MRPL16: variants seen among roughly 807,000 people sequenced by gnomAD.
MRPL16 encodes mitochondrial ribosomal protein L16, also known as large ribosomal subunit protein uL16m.
A neutral mutation model predicts 22.7 loss-of-function variants in MRPL16; 17 were observed. The observed-to-expected ratio is 0.75, with a 90% CI of 0.51 to 1.12. MRPL16 has a LOEUF of 1.12. Ranked by LOEUF, MRPL16 falls within the 50% of genes most tolerant of loss-of-function variation. The pLI is 0.00. For synonymous variants in MRPL16, 103 were observed against 112.8 expected, an observed-to-expected ratio of 0.91 and a Z score of 0.55; for missense variants, 316 against 328.7, an observed-to-expected ratio of 0.96 and a Z score of 0.30.
rs753428991 is a variant in MRPL16, at chr11:59,806,833, C to G, written c.271-1G>C. The G allele has an allele frequency of 1.9e-6, 3 of 1,602,630 alleles. No individual in the cohort carries two copies. The highest frequency in any genetic ancestry group is 2.6e-6 in the Non-Finnish European group (3 of 1,170,622). ...AATGCAGGTAGCCACCACCCAATGC[C>G]TAAAAGTGAATGGGAGAATTAGAAA... On this transcript the variant is annotated splice_acceptor_variant, in intron 3 of 3. Transcript: ENST00000300151. LOFTEE classifies it high-confidence loss of function.
rs753761063 is a variant in MRPL16, at chr11:59,810,631, C to T, written c.28G>A (p.Ala10Thr). The T allele has an allele frequency of 1.2e-6, 2 of 1,614,036 alleles. No homozygotes were observed. The highest frequency in any genetic ancestry group is 4.5e-5 in the East Asian group (2 of 44,888). MWRLLARAS[A>T]PLLRVPLSDS... is the part of the protein sequence containing the mutation. Reference sequence around the variant, plus strand: ...GACAAGGGCACCCGCAGGAGCGGCGCACTAGCGCGAGCCAGCAGCCTCCAC... The same window carrying T: ...GACAAGGGCACCCGCAGGAGCGGCGTACTAGCGCGAGCCAGCAGCCTCCAC... The change falls in exon 1 of 4, where the codon GCG becomes ACG. Residue 10 changes from alanine to threonine, a missense_variant. Physicochemically the swap from Ala to Thr is moderately conservative, Grantham distance 58 (BLOSUM62 0). Coordinates refer to ENST00000300151, the MANE Select transcript of MRPL16 (RefSeq NM_017840.4).
At position 59,806,288 on chromosome 11, in the gene MRPL16, G is replaced by A; in HGVS notation, c.*59C>T. 6.4e-7 allele frequency: 1 copy of A among 1,562,640 alleles called. No individual in the cohort carries two copies. Among genetic ancestry groups the A allele is most frequent in the Non-Finnish European group, 8.7e-7 (1 of 1,149,156 alleles). On this transcript the variant is annotated 3_prime_UTR_variant, in exon 4 of 4. Coordinates refer to ENST00000300151, the MANE Select transcript of MRPL16 (RefSeq NM_017840.4). ...AAAGACTTCAGTGGGTAGGCTGAGG[G>A]GAATAGAAATGCAGAATCCTTCTTT...
At chr11:59,808,351 GCTCT>G (rs1418500958) in intron 2 of MRPL16, among the ~76,000 whole-genome samples, 2 of 152,064 alleles carry the variant, frequency 1.3e-5, no homozygotes, top group Non-Finnish European at 2.9e-5. Flanking sequence ...TTCTTTCAGG[GCTCT>G]CTTTTTAAAA....
intron 2 of MRPL16, 121 bp from the exon 3 acceptor site, chr11:59,807,970 GACAGGGTCTC>G: frequency 8.3e-7 from 1 of 1,202,140 alleles, no homozygotes. Flanking sequence ...TTTTGGTAGA[GACAGGGTCTC>G]ACTATGTTGC....
At position 59,807,706 on chromosome 11, in the gene MRPL16, T is replaced by C. The variant is rs1380350132; in HGVS notation, c.265A>G (p.Ile89Val). The change falls in exon 3 of 4, where the codon ATC (isoleucine) becomes GTC (valine). Residue 89 changes from isoleucine (I) to valine (V), a missense_variant. Physicochemically the swap from Ile to Val is conservative, Grantham distance 29. Transcript: ENST00000300151. ...ATEFTEGNFA[I>V]LALGGGYLHW... ...TCGATGCTGAATTCACTCACCAAGA[T>C]TGCAAAATTGCCTTCTGTAAACTCC... is the stretch of plus-strand genomic sequence containing the variant. 1 of 1,609,738 alleles carries C rather than the reference T, an allele frequency of 6.2e-7. No homozygotes were observed. The highest frequency in any genetic ancestry group is 1.1e-5 in the South Asian group (1 of 89,648).
intron 3 of MRPL16, 167 bp downstream of exon 3, chr11:59,807,534 A>G (rs949673010): frequency 6.6e-6 from 4 of 602,098 alleles, no homozygotes; most frequent in African/African-American, 5.7e-5. Context: ...ATATAACCCA[A>G]ATGTTTACTG....
At chr11:59,810,462 G>A (rs1332215914) in intron 1 of MRPL16, 142 bp downstream of exon 1, 2 of 1,491,382 alleles carry the variant, frequency 1.3e-6, no homozygotes, top group Non-Finnish European at 9.0e-7. Context: ...CTACGGTGGA[G>A]GTCGGCGGTG....
chr11:59,806,191 A>T lies in MRPL16; in HGVS notation c.*156T>A, dbSNP rs1866082757. The T allele has an allele frequency of 2.5e-6, 2 of 808,682 alleles. No individual in the cohort carries two copies. The highest frequency in any genetic ancestry group is 3.8e-6 in the Non-Finnish European group (2 of 521,608). 50.1% of individuals were successfully genotyped at this position (808,682 alleles called of 1,614,324 possible). On this transcript the variant is annotated 3_prime_UTR_variant, in exon 4 of 4. Coordinates refer to ENST00000300151, the MANE Select transcript of MRPL16 (RefSeq NM_017840.4). ...TAATAAAAATACAGTTTTCTTTTTA[A>T]ATCAACAAATAACATTGTTTTTCAG...
chr11:59,806,375 C>T lies in MRPL16; in HGVS notation c.728G>A (p.Gly243Asp). The stretch of plus-strand genomic sequence containing the variant: ...CACACGTTTGGGCATGTAGAACTTG[C>T]CCCAGTATTTCCCCTTGTGGGTCAA... Reference protein sequence around the residue: ...YDLTHKGKYWGKFYMPKRV With the variant: ...YDLTHKGKYWDKFYMPKRV The change falls in exon 4 of 4, where the codon GGC becomes GAC. Residue 243 changes from glycine to aspartate, a missense_variant. By Grantham distance (94) the Gly-to-Asp change is moderately conservative. Coordinates refer to ENST00000300151, the MANE Select transcript of MRPL16 (RefSeq NM_017840.4). 5.0e-6 allele frequency: 8 copies of T among 1,614,162 alleles called. No individual in the cohort carries two copies. Among genetic ancestry groups the T allele is most frequent in the Non-Finnish European group, 5.9e-6 (7 of 1,180,010 alleles).
intron 1 of MRPL16, 125 bp downstream of exon 1, chr11:59,810,479 C>T (rs371756199): frequency 1.3e-6 from 2 of 1,517,778 alleles, no homozygotes; most frequent in Admixed American, 1.9e-5. Context: ...GGTGCGATAG[C>T]GTAGTTCCTA....
chr11:59,806,498 T>C lies in MRPL16; in HGVS notation c.605A>G (p.Gln202Arg), dbSNP rs1866093240. ...RGTLEKMRKD[Q>R]EERERNNQNP... is the part of the protein sequence containing the mutation. ...CTGGTTGTTACGTTCTCTTTCCTCTTGATCTTTTCGCATCTTCTCTAGAGT... is the reference window on the plus strand; with the variant it reads ...CTGGTTGTTACGTTCTCTTTCCTCTCGATCTTTTCGCATCTTCTCTAGAGT... The change falls in exon 4 of 4, where the codon CAA becomes CGA. Residue 202 changes from glutamine (Q) to arginine (R), a missense_variant. Coordinates refer to ENST00000300151, the MANE Select transcript of MRPL16 (RefSeq NM_017840.4). 4 of 1,614,254 alleles carry C rather than the reference T, an allele frequency of 2.5e-6. No individual in the cohort carries two copies. Among genetic ancestry groups the C allele is most frequent in the Non-Finnish European group, 3.4e-6 (4 of 1,180,042 alleles).
Position 59,806,824 on chromosome 11 carries a change from A to C in MRPL16, c.279T>G (p.Gly93=). The stretch of plus-strand genomic sequence containing the variant: ...AGTGGCCCCAATGCAGGTAGCCACC[A>C]CCCAATGCCTAAAAGTGAATGGGAG... The part of the protein sequence containing the change: ...TEGNFAILAL[G]GGYLHWGHFE... The change falls in exon 4 of 4, where the codon GGT becomes GGG. Residue 93 remains glycine, a synonymous_variant. Coordinates refer to ENST00000300151, the MANE Select transcript of MRPL16 (RefSeq NM_017840.4). The C allele has an allele frequency of 6.2e-7, 1 of 1,606,332 alleles. No individual in the cohort carries two copies. The highest frequency in any genetic ancestry group is 8.5e-7 in the Non-Finnish European group (1 of 1,173,440).
chr11:59,809,517 T>C (rs777727190), intron 2 of MRPL16: 4 of 272,812 alleles, frequency 1.5e-5, no homozygotes, highest in Non-Finnish European at 2.1e-5. Flanking sequence ...AGTGCTGTGA[T>C]TACAGGCGTG....
rs1590847974 is a variant in MRPL16, at chr11:59,809,727, C to G, written c.121+128G>C. The G allele has an allele frequency of 7.8e-6, 7 of 891,804 alleles. No homozygotes were observed. In the East Asian group the frequency reaches 1.9e-4, roughly 24 times the overall value. 55.2% of individuals were successfully genotyped at this position (891,804 alleles called of 1,614,324 possible). A position where few individuals can be genotyped will look rare whatever the true frequency, so the allele number is the denominator to read the frequency against. On this transcript the variant is annotated intron_variant, in intron 2 of 3. Coordinates refer to ENST00000300151, the MANE Select transcript of MRPL16 (RefSeq NM_017840.4). ...ATATTAGTTGGCAAAACTGTAAGCT[C>G]TAAAAACATATTTATTGAAAGAGTG...
intron 2 of MRPL16, among the ~76,000 whole-genome samples, chr11:59,808,557 T>G (rs1866137046): frequency 6.6e-6 from 1 of 152,210 alleles, no homozygotes; most frequent in Non-Finnish European, 1.5e-5. Flanking sequence ...AAAAACACTT[T>G]ATAATCTGGT....
Position 59,806,822 on chromosome 11 carries a change from C to A in MRPL16, c.281G>T (p.Gly94Val), listed in dbSNP as rs1348713841. 6.2e-7 allele frequency: 1 copy of A among 1,606,678 alleles called. No homozygotes were observed. The highest frequency in any genetic ancestry group is 1.1e-5 in the South Asian group (1 of 90,944). Residue 94 changes from glycine (G) to valine (V), a missense_variant, in exon 4 of 4, where the codon GGT becomes GTT. Transcript: ENST00000300151. ...AAAGTGGCCCCAATGCAGGTAGCCACCACCCAATGCCTAAAAGTGAATGGG... is the reference window on the plus strand; with the variant it reads ...AAAGTGGCCCCAATGCAGGTAGCCAACACCCAATGCCTAAAAGTGAATGGG... ...EGNFAILALGGGYLHWGHFEM... is the reference protein window; with the variant it reads ...EGNFAILALGVGYLHWGHFEM...
At chr11:59,810,257 C>T in intron 1 of MRPL16, 1 of 1,197,684 alleles carries the variant, frequency 8.3e-7, no homozygotes. Flanking sequence ...GATTCGCCCG[C>T]CTCGGCCTCC....
At position 59,806,482 on chromosome 11, in the gene MRPL16, A is replaced by C. The variant is rs1441557990; in HGVS notation, c.621T>G (p.Arg207=). Residue 207 remains arginine (R), a synonymous_variant, in exon 4 of 4, where the codon CGT becomes CGG. Coordinates refer to ENST00000300151, the MANE Select transcript of MRPL16 (RefSeq NM_017840.4). ...KMRKDQEERE[R]NNQNPWTFER... is the part of the protein sequence containing the mutation. ...CAAATGTCCAGGGGTTCTGGTTGTT[A>C]CGTTCTCTTTCCTCTTGATCTTTTC... The C allele has an allele frequency of 6.2e-7, 1 of 1,614,096 alleles. No individual in the cohort carries two copies. The highest frequency in any genetic ancestry group is 8.5e-7 in the Non-Finnish European group (1 of 1,180,052).
chr11:59,810,652 T>G lies in MRPL16; in HGVS notation c.7A>C (p.Arg3=). The change falls in exon 1 of 4, where the codon AGG becomes CGG. Residue 3 remains arginine (R), a synonymous_variant. Coordinates refer to ENST00000300151, the MANE Select transcript of MRPL16 (RefSeq NM_017840.4). MW[R]LLARASAPLL... is the part of the protein sequence containing the mutation. ...GGCGCACTAGCGCGAGCCAGCAGCC[T>G]CCACATGGTCACGGGCGTCCGGCGG... is the stretch of plus-strand genomic sequence containing the variant. The G allele has an allele frequency of 6.2e-7, 1 of 1,614,068 alleles. No individual in the cohort carries two copies.
Sources: gnomAD v4.1 joint callset for allele counts (sites outside exome capture counted in the v4.1 genomes callset) on GRCh38, gnomAD v4.1.1 for gene constraint, MANE v1.5 for transcripts, NCBI Gene and HGNC (gene_info 2026-07-23, HGNC 2026-07-21) for gene names.